The following NCOR1 variants were observed in gnomAD, a reference collection of about 807,000 sequenced individuals.
The protein encoded by NCOR1 is nuclear receptor corepressor 1.
NCOR1 carries 63 observed loss-of-function variants against 288.1 expected under a neutral mutation model. The observed-to-expected ratio is 0.22, with a 90% CI of 0.18 to 0.27. The LOEUF (loss-of-function observed/expected upper bound fraction) is 0.27. Among genes scored for constraint, NCOR1 ranks in the 10% least tolerant of loss-of-function variants. The pLI, the probability that NCOR1 is intolerant of heterozygous loss-of-function variation, is 1.00. For missense variants in NCOR1, 2,397 were observed against 3,019.2 expected, an observed-to-expected ratio of 0.79 and a Z score of 4.83; for synonymous variants, 1,007 against 1,065.9, an observed-to-expected ratio of 0.94 and a Z score of 1.08.
chr17:16,151,200 A>ATT (rs573897858), intron 8 of NCOR1, among the ~76,000 whole-genome samples: 1 of 145,418 alleles, frequency 6.9e-6, no homozygotes, highest in African/African-American at 2.5e-5. Flanking sequence ...TTAAAGTATA[A>ATT]TTTTTTTTTT....
Position 16,032,279 on chromosome 17 carries a change from C to G in NCOR1, c.*17G>C. ...GAGATCCCTCTCCTGCACCCTGTTC[C>G]CCTCACTTTGTGCAGTTCAGTCATC... On this transcript the variant is annotated 3_prime_UTR_variant, in exon 46 of 46. Coordinates refer to ENST00000268712, the MANE Select transcript of NCOR1 (RefSeq NM_006311.4). The G allele has an allele frequency of 1.3e-6, 2 of 1,590,998 alleles. No individual in the cohort carries two copies. The highest frequency in any genetic ancestry group is 1.7e-6 in the Non-Finnish European group (2 of 1,172,032).
At position 16,072,200 on chromosome 17, in the gene NCOR1, C is replaced by A. The variant is rs1345515139; in HGVS notation, c.3840G>T (p.Gly1280=). 2.5e-6 allele frequency: 4 copies of A among 1,612,322 alleles called. No individual in the cohort carries two copies. The Admixed American group carries it at 6.7e-5, about 27-fold the overall frequency. Reference sequence around the variant, plus strand: ...TTTCTTTGAGGTCAGAATGAGGACTCCCCCTGGGTAATGCTCGGCATATCA... The same window carrying A: ...TTTCTTTGAGGTCAGAATGAGGACTACCCCTGGGTAATGCTCGGCATATCA... The part of the protein sequence containing the change: ...EGLICRALPR[G]SPHSDLKERT... The change falls in exon 29 of 46, where the codon GGG becomes GGT. Residue 1280 remains glycine (G), a synonymous_variant. Transcript: ENST00000268712.
chr17:16,130,186 G>A (rs1223159447), intron 14 of NCOR1, among the ~76,000 whole-genome samples: 1 of 152,202 alleles, frequency 6.6e-6, no homozygotes, highest in Admixed American at 6.5e-5. Context: ...AGCAGCAACT[G>A]GAGGACCTCA....
In NCOR1 at chr17:16,080,444, G is replaced by C; in HGVS notation, c.3364C>G (p.Leu1122Val). The change falls in exon 25 of 46, where the codon CTG (leucine) becomes GTG (valine). Residue 1122 changes from leucine (L) to valine (V), a missense_variant. Physicochemically the swap from Leu to Val is conservative, Grantham distance 32 (BLOSUM62 1). Transcript: ENST00000268712. ...PRSQNSQPEG[L>V]LVRAQHEGVV... ...CCTTCATGTTGGGCCCTGACCAACAGACCCTCAGGTTGTGAGTTTTGGCTT... is the reference window on the plus strand; with the variant it reads ...CCTTCATGTTGGGCCCTGACCAACACACCCTCAGGTTGTGAGTTTTGGCTT... The C allele has an allele frequency of 6.2e-7, 1 of 1,614,164 alleles. No homozygotes were observed. The highest frequency in any genetic ancestry group is 8.5e-7 in the Non-Finnish European group (1 of 1,180,016).
At chr17:16,051,962 A>G (rs2059370172) in intron 40 of NCOR1, among the ~76,000 whole-genome samples, 1 of 152,214 alleles carries the variant, frequency 6.6e-6, no homozygotes, top group Admixed American at 6.5e-5. Context: ...GAACTGAAGG[A>G]GATTCAGACA....
intron 11 of NCOR1, 95 bp from the exon 12 acceptor site, chr17:16,139,281 T>C: frequency 3.1e-6 from 3 of 961,818 alleles, no homozygotes; most frequent in African/African-American, 1.6e-5. Context: ...TAAAAAACCA[T>C]GTATGCAGTT....
intron 2 of NCOR1, among the ~76,000 whole-genome samples, chr17:16,188,849 A>G (rs919934041): frequency 9.9e-5 from 15 of 151,776 alleles, no homozygotes; most frequent in African/African-American, 3.6e-4. Flanking sequence ...ACATGGTGAA[A>G]CCCCATCTCT....
chr17:16,038,780 T>C (rs1296364540), intron 44 of NCOR1, among the ~76,000 whole-genome samples: 1 of 152,092 alleles, frequency 6.6e-6, no homozygotes, highest in East Asian at 1.9e-4. Flanking sequence ...TCTGTGTATG[T>C]ATGTATTTTG....
intron 21 of NCOR1, among the ~76,000 whole-genome samples, chr17:16,094,911 G>A (rs554136814): frequency 1.3e-5 from 2 of 152,216 alleles, no homozygotes; most frequent in South Asian, 4.2e-4. Flanking sequence ...ATCTCGGCTC[G>A]CTACAACCTC....
chr17:16,099,946 A>C (rs2067296798), intron 20 of NCOR1, among the ~76,000 whole-genome samples: 1 of 152,236 alleles, frequency 6.6e-6, no homozygotes, highest in Non-Finnish European at 1.5e-5. Flanking sequence ...AAATCTCATT[A>C]TGGAGTACAT....
At chr17:16,117,188 G>T (rs899446017) in intron 18 of NCOR1, among the ~76,000 whole-genome samples, 2 of 151,988 alleles carry the variant, frequency 1.3e-5, no homozygotes, top group East Asian at 1.9e-4. Flanking sequence ...CAATTCACTC[G>T]ATATTATCAA....
At chr17:16,175,133 C>T (rs1475876011) in intron 3 of NCOR1, among the ~76,000 whole-genome samples, 2 of 151,928 alleles carry the variant, frequency 1.3e-5, no homozygotes, top group Non-Finnish European at 2.9e-5. Context: ...TTTGGGAGGC[C>T]GAGTAAGTGC....
At chr17:16,068,243 C>G in intron 31 of NCOR1, 122 bp from the exon 32 acceptor site, 1 of 780,978 alleles carries the variant, frequency 1.3e-6, no homozygotes, top group Non-Finnish European at 2.0e-6. Flanking sequence ...TCTTTCCACT[C>G]AACATTTAAC....
Position 16,200,863 on chromosome 17 carries a change from A to G in NCOR1, c.-70-6224T>C, listed in dbSNP as rs1231607699. 5.3e-5 allele frequency among the ~76,000 whole-genome samples: 8 copies of G among 152,322 alleles called. No individual in the cohort carries two copies. In the East Asian group the frequency reaches 1.2e-3, roughly 22 times the overall value. On this transcript the variant is annotated intron_variant, in intron 1 of 45. Transcript: ENST00000268712. ...GAAGGACCACCACCCTGGGCATCCC[A>G]ACACCCAAAATCCTCCAACCTGGGG...
chr17:16,205,971 C>A (rs1490514427), intron 1 of NCOR1, among the ~76,000 whole-genome samples: 1 of 150,726 alleles, frequency 6.6e-6, no homozygotes, highest in Non-Finnish European at 1.5e-5. Flanking sequence ...AGAAATACAA[C>A]TCTCCCCATA....
intron 18 of NCOR1, among the ~76,000 whole-genome samples, chr17:16,117,088 T>C (rs1191297372): frequency 6.6e-6 from 1 of 152,230 alleles, no homozygotes; most frequent in Non-Finnish European, 1.5e-5. Context: ...AACTTACTTA[T>C]TAAGGAATTT....
rs745342275 is a variant in NCOR1, at chr17:16,101,222, CG to C, written c.2690+27del. The C allele has an allele frequency of 4.2e-5, 65 of 1,545,508 alleles. No homozygotes were observed. In the Admixed American group the frequency reaches 1.3e-3, roughly 30 times the overall value. ...CAGTCACCAACCAGCAGAGTAAGCA[CG>C]GGGAGGACTTATGGAACGAGCCTCA... On this transcript the variant is annotated intron_variant, in intron 20 of 45. Coordinates refer to ENST00000268712, the MANE Select transcript of NCOR1 (RefSeq NM_006311.4).
intron 14 of NCOR1, among the ~76,000 whole-genome samples, chr17:16,131,622 C>A (rs970693461): frequency 1.3e-5 from 2 of 152,174 alleles, no homozygotes; most frequent in African/African-American, 4.8e-5. Flanking sequence ...AATACCGTTT[C>A]ACTACTGGAC....
chr17:16,187,821 G>A (rs1175760321), intron 2 of NCOR1, among the ~76,000 whole-genome samples: 4 of 151,394 alleles, frequency 2.6e-5, no homozygotes, highest in Non-Finnish European at 5.9e-5. Flanking sequence ...GCTTGCTTGA[G>A]CCCAAGAGTT....
Sources: gnomAD v4.1 joint callset for allele counts (sites outside exome capture counted in the v4.1 genomes callset) on GRCh38, gnomAD v4.1.1 for gene constraint, MANE v1.5 for transcripts, NCBI Gene and HGNC (gene_info 2026-07-23, HGNC 2026-07-21) for gene names.